Variants in TXNRD2 observed in about 807,000 individuals in gnomAD.
TXNRD2 encodes the protein thioredoxin reductase 2, also known as thioredoxin reductase 2, mitochondrial.
TXNRD2 carries 67 observed loss-of-function variants against 70.8 expected under a neutral mutation model. That is an observed-to-expected ratio of 0.95 (90% CI 0.78 to 1.16). The LOEUF (loss-of-function observed/expected upper bound fraction) is 1.16, where lower values mean the gene tolerates loss of function less well. TXNRD2 is among the 50% of genes most tolerant of loss of function. TXNRD2 has a pLI of 0.00. For missense variants in TXNRD2, 644 were observed against 719.9 expected (o/e 0.89, Z 1.21); for synonymous variants, 301 against 295.8 (o/e 1.02, Z -0.18).
At chr22:19,936,019 A>G (rs1941527307) in intron 1 of TXNRD2, among the ~76,000 whole-genome samples, 1 of 152,154 alleles carries the variant, frequency 6.6e-6, no homozygotes, top group Non-Finnish European at 1.5e-5. Context: ...CATGGAAAAT[A>G]TGGTCACCCT....
chr22:19,877,257 G>T, intron 16 of TXNRD2, 23 bp from the exon 17 acceptor site: 1 of 1,604,238 alleles, frequency 6.2e-7, no homozygotes, highest in South Asian at 1.1e-5. Flanking sequence ...GATGGGGGAG[G>T]CAGGCGGGGT....
chr22:19,889,749 T>C (rs1048506360), intron 11 of TXNRD2, among the ~76,000 whole-genome samples: 1 of 152,204 alleles, frequency 6.6e-6, no homozygotes, highest in Admixed American at 6.5e-5. Context: ...GTGTTGGGAT[T>C]ACAGGCATGA....
At chr22:19,880,403 G>T in intron 13 of TXNRD2, 132 bp from the exon 14 acceptor site, 1 of 997,620 alleles carries the variant, frequency 1.0e-6, no homozygotes, top group South Asian at 1.4e-5. Flanking sequence ...AGCACAGTAG[G>T]CGACCCACCT....
At chr22:19,918,027 T>C (rs980523466) in intron 5 of TXNRD2, 116 bp downstream of exon 5, 1 of 892,512 alleles carries the variant, frequency 1.1e-6, no homozygotes, top group Non-Finnish European at 1.8e-6. Context: ...GAGCAGGACA[T>C]GAACCCCCAG....
At chr22:19,900,183 C>T (rs9617845) in intron 8 of TXNRD2, among the ~76,000 whole-genome samples, 1 of 152,192 alleles carries the variant, frequency 6.6e-6, no homozygotes, top group Non-Finnish European at 1.5e-5. Flanking sequence ...CGGCTGAGCA[C>T]AAGGTGGTTA....
chr22:19,909,131 G>A (rs189774969), intron 8 of TXNRD2, among the ~76,000 whole-genome samples: 1 of 151,322 alleles, frequency 6.6e-6, no homozygotes, highest in Non-Finnish European at 1.5e-5. Flanking sequence ...GCTTGAACCC[G>A]GGAGGCAGAG....
At chr22:19,929,454 C>T (rs1027754932) in intron 2 of TXNRD2, among the ~76,000 whole-genome samples, 6 of 152,108 alleles carry the variant, frequency 3.9e-5, no homozygotes, top group Admixed American at 6.5e-5. Context: ...GCTGAGATCA[C>T]GCCACTGCAC....
At position 19,883,480 on chromosome 22, in the gene TXNRD2, G is replaced by A. The variant is rs541350051; in HGVS notation, c.950-19C>T. ...ACTCGACCTGAAGGAAACAGAGAGG[G>A]GGCTGAAAGGTTATCTTCAGTGGCT... On this transcript the variant is annotated intron_variant, in intron 11 of 17. Transcript: ENST00000400521. The A allele has an allele frequency of 2.4e-5, 39 of 1,613,896 alleles. No homozygotes were observed. In the South Asian group the frequency reaches 4.1e-4, roughly 17 times the overall value.
At chr22:19,893,487 A>G (rs904011425) in intron 11 of TXNRD2, among the ~76,000 whole-genome samples, 22 of 152,190 alleles carry the variant, frequency 1.4e-4, no homozygotes, top group African/African-American at 4.6e-4. Flanking sequence ...GCGGCGGCCC[A>G]TCTGCAATGG....
At chr22:19,901,184 C>A (rs1246183618) in intron 8 of TXNRD2, among the ~76,000 whole-genome samples, 1 of 152,216 alleles carries the variant, frequency 6.6e-6, no homozygotes, top group Non-Finnish European at 1.5e-5. Flanking sequence ...CGATGCTGAC[C>A]CACCAGGCCT....
chr22:19,886,914 G>A (rs1939058391), intron 11 of TXNRD2, among the ~76,000 whole-genome samples: 1 of 152,186 alleles, frequency 6.6e-6, no homozygotes, highest in Admixed American at 6.5e-5. Flanking sequence ...TGTGTCAGTT[G>A]AGTTCCTGGG....
intron 11 of TXNRD2, among the ~76,000 whole-genome samples, chr22:19,893,400 C>G (rs1218912324): frequency 6.6e-6 from 1 of 152,246 alleles, no homozygotes; most frequent in East Asian, 1.9e-4. Flanking sequence ...CGGCCAGGCA[C>G]CGAGGTGGGT....
intron 11 of TXNRD2, 189 bp downstream of exon 11, chr22:19,895,218 G>T (rs201311468): frequency 6.9e-6 from 11 of 1,597,608 alleles, no homozygotes; most frequent in Non-Finnish European, 9.3e-6. Context: ...TGGCAAGATG[G>T]GCACAGCCTA....
At chr22:19,916,244 G>T (rs983705649) in intron 5 of TXNRD2, 7 of 274,822 alleles carry the variant, frequency 2.5e-5, no homozygotes, top group Admixed American at 2.5e-4. Flanking sequence ...TCAGGGGTGT[G>T]GTAACACCAA....
chr22:19,897,971 C>G (rs1939586376), intron 10 of TXNRD2, 68 bp downstream of exon 10: 1 of 1,354,088 alleles, frequency 7.4e-7, no homozygotes, highest in Non-Finnish European at 1.0e-6. Flanking sequence ...ACTGCACCTG[C>G]CTGGGAGGGG....
At chr22:19,888,640 G>A (rs1469837778) in intron 11 of TXNRD2, among the ~76,000 whole-genome samples, 1 of 152,210 alleles carries the variant, frequency 6.6e-6, no homozygotes, top group African/African-American at 2.4e-5. Flanking sequence ...GAGGACGAGG[G>A]TGTGGGAGTG....
chr22:19,932,570 C>G, intron 1 of TXNRD2: 1 of 1,468,640 alleles, frequency 6.8e-7, no homozygotes, highest in Non-Finnish European at 9.0e-7. Flanking sequence ...CAGCACCAGG[C>G]ACCAGCCAAC....
intron 14 of TXNRD2, 105 bp from the exon 15 acceptor site, chr22:19,878,542 G>T: frequency 9.2e-7 from 1 of 1,083,262 alleles, no homozygotes; most frequent in Non-Finnish European, 1.4e-6. Flanking sequence ...TGGCGGGCAG[G>T]AACCATCCAT....
intron 8 of TXNRD2, among the ~76,000 whole-genome samples, chr22:19,899,325 C>T (rs371425144): frequency 5.9e-5 from 9 of 152,222 alleles, no homozygotes; most frequent in Non-Finnish European, 1.2e-4. Flanking sequence ...CCCTGGAAGG[C>T]ACCCGGAGGC....
Sources: allele counts gnomAD v4.1 joint callset (sites outside exome capture counted in the v4.1 genomes callset), GRCh38; gene constraint gnomAD v4.1.1; transcripts MANE v1.5; gene names NCBI Gene and HGNC (gene_info 2026-07-23, HGNC 2026-07-21).